Variants in ERCC6 observed in about 807,000 individuals in gnomAD.
The protein encoded by ERCC6 is DNA excision repair protein ERCC-6.
In ERCC6, 116 loss-of-function variants were observed where a neutral mutation model predicts 158.7. The ratio of observed to expected loss-of-function variants is 0.73; its 90% CI spans 0.63 to 0.85. The LOEUF (loss-of-function observed/expected upper bound fraction) is 0.85. Among genes scored for constraint, ERCC6 ranks in the 40% least tolerant of loss-of-function variants. The pLI is 0.00. For missense variants in ERCC6, 1,698 were observed against 1,799.4 expected, an observed-to-expected ratio of 0.94 and a Z score of 1.02; for synonymous variants, 678 against 659.3, an observed-to-expected ratio of 1.03 and a Z score of -0.43.
chr10:49,460,138 T>A (rs1342752017), intron 20 of ERCC6: 2 of 581,218 alleles, frequency 3.4e-6, no homozygotes, highest in Non-Finnish European at 3.1e-6. Flanking sequence ...AACCTTCTAA[T>A]GGCAAAACAG....
chr10:49,532,319 T>C (rs1045822996), intron 2 of ERCC6, among the ~76,000 whole-genome samples: 3 of 152,156 alleles, frequency 2.0e-5, no homozygotes, highest in Admixed American at 2.0e-4. Context: ...CAACTGGCTT[T>C]CACGAGCTGG....
In ERCC6 at chr10:49,470,769, T is replaced by C. The variant is rs200093886; in HGVS notation, c.3191A>G (p.Asn1064Ser). The C allele has an allele frequency of 3.4e-5, 55 of 1,614,188 alleles. No homozygotes were observed. The East Asian group carries it at 1.2e-3, about 35-fold the overall frequency. Reference protein sequence around the residue: ...KKFPASNISVNDATSSEEKSE... With the variant: ...KKFPASNISVSDATSSEEKSE... ...TTTCTCTTCAGATGATGTGGCATCA[T>C]TTACAGATATGTTAGAAGCAGGGAA... is the stretch of plus-strand genomic sequence containing the variant. The change falls in exon 18 of 21, where the codon AAT (asparagine) becomes AGT (serine). Residue 1064 changes from asparagine (N) to serine (S), a missense_variant. Transcript: ENST00000355832.
At chr10:49,524,799 G>A (rs748731504) in intron 4 of ERCC6, 22 bp from the exon 5 acceptor site, 18 of 1,599,052 alleles carry the variant, frequency 1.1e-5, no homozygotes, top group African/African-American at 9.4e-5. Context: ...ATAGCAATGC[G>A]TTTCGCACTA....
the ERCC6 span, among the ~76,000 whole-genome samples, chr10:49,443,881 A>G: frequency 1.3e-5 from 2 of 152,192 alleles, no homozygotes; most frequent in Non-Finnish European, 2.9e-5. Flanking sequence ...AAAAGTGCCT[A>G]TGACATGCTG....
intron 5 of ERCC6, among the ~76,000 whole-genome samples, chr10:49,513,727 C>T (rs771641139): frequency 4.6e-5 from 7 of 152,252 alleles, no homozygotes; most frequent in South Asian, 4.1e-4. Context: ...TGGGGGAAAC[C>T]GCCCCCATAA....
chr10:49,477,015 A>G (rs1429029774), intron 11 of ERCC6, among the ~76,000 whole-genome samples: 1 of 151,994 alleles, frequency 6.6e-6, no homozygotes, highest in African/African-American at 2.4e-5. Flanking sequence ...GCTGGAGAAA[A>G]GCTCATACAT....
At chr10:49,534,852 A>G (rs1001879431) in intron 1 of ERCC6, among the ~76,000 whole-genome samples, 33 of 152,244 alleles carry the variant, frequency 2.2e-4, no homozygotes, top group Non-Finnish European at 4.4e-4. Flanking sequence ...ATTAAGTAAA[A>G]TAAGCCCAGC....
In ERCC6 at chr10:49,460,296, C is replaced by T; in HGVS notation, c.4062+77G>A. The T allele has an allele frequency of 7.8e-6, 8 of 1,026,432 alleles. 1 individual carries two copies. In the South Asian group the frequency reaches 1.0e-4, roughly 13 times the overall value. The allele number at this position is 1,026,432 out of a possible 1,614,324, so 63.6% of individuals were successfully genotyped here. A position where few individuals can be genotyped will look rare whatever the true frequency, so the allele number is the denominator to read the frequency against. Reference sequence around the variant, plus strand: ...CCAGAGATGACCATTTTCTTCACATCCAGAATCAGGTGAAATTTTCACAGC... The same window carrying T: ...CCAGAGATGACCATTTTCTTCACATTCAGAATCAGGTGAAATTTTCACAGC... On this transcript the variant is annotated intron_variant, in intron 20 of 20. Transcript: ENST00000355832.
chr10:49,443,323 C>T, the ERCC6 span, among the ~76,000 whole-genome samples: 15,682 of 151,954 alleles, frequency 0.1, 1,178 homozygotes, highest in East Asian at 0.39. Context: ...AAAGTACACG[C>T]AAAAAAACTC....
At chr10:49,519,729 C>T (rs1272349561) in intron 5 of ERCC6, among the ~76,000 whole-genome samples, 1 of 152,220 alleles carries the variant, frequency 6.6e-6, no homozygotes, top group Non-Finnish European at 1.5e-5. Context: ...CAAGCCTCAA[C>T]ATCCTTACCA....
At chr10:49,481,059 T>A (rs916515456) in intron 10 of ERCC6, among the ~76,000 whole-genome samples, 13 of 152,258 alleles carry the variant, frequency 8.5e-5, no homozygotes, top group Admixed American at 2.0e-4. Flanking sequence ...AGGCGATCCT[T>A]GTTTTTGGAA....
rs1590394991 is a variant in ERCC6, at chr10:49,458,029, T to A, written c.*786A>T. ...CTGGGTCTGCTGTGGGCTGCAGTGA[T>A]GTTTGTGTGCATGCATGTGTGTGGT... is the stretch of plus-strand genomic sequence containing the variant. On this transcript the variant is annotated 3_prime_UTR_variant, in exon 21 of 21. Transcript: ENST00000355832. The A allele has an allele frequency of 6.6e-6, 1 of 152,318 alleles. No individual in the cohort carries two copies. The highest frequency in any genetic ancestry group is 2.4e-5 in the African/African-American group (1 of 41,456). The allele number at this position is 152,318 out of a possible 1,614,324, so 9.4% of individuals were successfully genotyped here.
chr10:49,532,980 TA>T lies in ERCC6; in HGVS notation c.-14-3del, dbSNP rs750056563. 6.2e-7 allele frequency: 1 copy of T among 1,614,068 alleles called. No homozygotes were observed. Among genetic ancestry groups the T allele is most frequent in the Admixed American group, 1.7e-5 (1 of 60,014 alleles). On this transcript the variant is annotated splice_polypyrimidine_tract_variant and splice_region_variant and intron_variant, in intron 1 of 20. Transcript: ENST00000355832. ...CATTTGGCATTCTCTACAGACTACC[TA>T]AAAGGAAAAAAATTTATAAGCCTTT...
rs1383126160 is a variant in ERCC6, at chr10:49,470,680, C to T, written c.3280G>A (p.Asp1094Asn). The change falls in exon 18 of 21, where the codon GAC becomes AAC. Residue 1094 changes from aspartate (D) to asparagine (N), a missense_variant. Physicochemically the swap from Asp to Asn is conservative, Grantham distance 23. Transcript: ENST00000355832. ...TSNRSDPLKD[D>N]PHMSSNVTSN... ...GTTACATTACTACTCATGTGAGGGT[C>T]ATCTTTCAAAGGATCACTTCGATTA... The T allele has an allele frequency of 6.2e-7, 1 of 1,614,018 alleles. No homozygotes were observed. Among genetic ancestry groups the T allele is most frequent in the Non-Finnish European group, 8.5e-7 (1 of 1,179,994 alleles).
chr10:49,506,906 G>C (rs1851453140), intron 5 of ERCC6, among the ~76,000 whole-genome samples: 1 of 151,704 alleles, frequency 6.6e-6, no homozygotes. Context: ...TTCACAAAAT[G>C]GTGGAAATGG....
In ERCC6 at chr10:49,525,474, T is replaced by G. The variant is rs147353500; in HGVS notation, c.653-697A>C. On this transcript the variant is annotated intron_variant, in intron 4 of 20. Coordinates refer to ENST00000355832, the MANE Select transcript of ERCC6 (RefSeq NM_000124.4). ...ACTGTGTTAGATATGTGAAGTTAAC[T>G]GACTTGAAGACATTACACCATAAGT... Among the ~76,000 whole-genome samples, 18 of 152,318 alleles carry G rather than the reference T, an allele frequency of 1.2e-4. 1 individual carries two copies. The highest frequency in any genetic ancestry group is 4.1e-4 in the African/African-American group (17 of 41,562).
intron 8 of ERCC6, chr10:49,488,349 A>G (rs924567416): frequency 6.5e-6 from 1 of 154,494 alleles, no homozygotes; most frequent in Non-Finnish European, 1.5e-5. Context: ...GAAACACAGT[A>G]CAGCCGCTTC....
intron 1 of ERCC6, among the ~76,000 whole-genome samples, chr10:49,535,649 A>T (rs1164948606): frequency 6.6e-6 from 1 of 152,228 alleles, no homozygotes; most frequent in East Asian, 1.9e-4. Context: ...AATATTAAGT[A>T]ACCATTTTTC....
chr10:49,529,271 G>T (rs576322834), intron 3 of ERCC6, among the ~76,000 whole-genome samples: 2 of 152,362 alleles, frequency 1.3e-5, no homozygotes, highest in South Asian at 4.1e-4. Context: ...ATGCCACACT[G>T]CAATGACTTG....
Sources: allele counts gnomAD v4.1 joint callset (sites outside exome capture counted in the v4.1 genomes callset), GRCh38; gene constraint gnomAD v4.1.1; transcripts MANE v1.5; gene names NCBI Gene and HGNC (gene_info 2026-07-23, HGNC 2026-07-21).